AGBL1: variants seen among roughly 807,000 people sequenced by gnomAD.
AGBL1 encodes cytosolic carboxypeptidase 4.
AGBL1 carries 130 observed loss-of-function variants against 118.9 expected under a neutral mutation model. The observed-to-expected ratio is 1.09, with a 90% confidence interval of 0.95 to 1.26. The LOEUF is 1.26. AGBL1 is among the 50% of genes most tolerant of loss of function. AGBL1 has a pLI of 0.00. For synonymous variants in AGBL1, 555 were observed against 478.9 expected, an observed-to-expected ratio of 1.16 and a Z score of -2.08; for missense variants, 1,584 against 1,298.1, an observed-to-expected ratio of 1.22 and a Z score of -3.38.
At chr15:86,839,716 T>A (rs1169536832) in intron 22 of AGBL1, among the ~76,000 whole-genome samples, 2 of 152,108 alleles carry the variant, frequency 1.3e-5, no homozygotes, top group Non-Finnish European at 2.9e-5. Context: ...CAAAATTGCC[T>A]CCTGTCAAGG....
At chr15:86,614,513 C>G (rs2084696764) in intron 21 of AGBL1, among the ~76,000 whole-genome samples, 1 of 151,818 alleles carries the variant, frequency 6.6e-6, no homozygotes, top group Non-Finnish European at 1.5e-5. Context: ...ATGGTGGTAC[C>G]CTGATGGAAT....
intron 5 of AGBL1, among the ~76,000 whole-genome samples, chr15:86,207,930 G>A (rs1281684502): frequency 6.6e-6 from 1 of 152,124 alleles, no homozygotes; most frequent in Non-Finnish European, 1.5e-5. Flanking sequence ...TGCCCATTCA[G>A]TATGATATTG....
At chr15:86,851,587 C>T (rs2079407643) in intron 22 of AGBL1, among the ~76,000 whole-genome samples, 1 of 152,278 alleles carries the variant, frequency 6.6e-6, no homozygotes, top group South Asian at 2.1e-4. Flanking sequence ...CCAATAAAAT[C>T]TGCAAAGATT....
chr15:86,957,805 T>C (rs1480522385), intron 23 of AGBL1, among the ~76,000 whole-genome samples: 1 of 152,154 alleles, frequency 6.6e-6, no homozygotes, highest in Non-Finnish European at 1.5e-5. Flanking sequence ...GTTAATTCAA[T>C]TAAAATGTTG....
chr15:86,754,695 T>C (rs895762129), intron 22 of AGBL1, among the ~76,000 whole-genome samples: 2 of 152,094 alleles, frequency 1.3e-5, no homozygotes, highest in East Asian at 1.9e-4. Flanking sequence ...CGGTGTTCAA[T>C]TGTGGCTGTG....
chr15:86,901,632 A>G (rs559348944), intron 22 of AGBL1, among the ~76,000 whole-genome samples: 1 of 152,224 alleles, frequency 6.6e-6, no homozygotes, highest in African/African-American at 2.4e-5. Flanking sequence ...TTTGAACCCA[A>G]TTCCATGTTT....
intron 22 of AGBL1, among the ~76,000 whole-genome samples, chr15:86,701,732 C>T (rs1015384720): frequency 4.1e-5 from 6 of 145,678 alleles, no homozygotes; most frequent in Admixed American, 2.7e-4. Flanking sequence ...CTTCCCTCCA[C>T]TCCTCTCTCC....
At chr15:86,209,567 A>G (rs772878742) in intron 5 of AGBL1, among the ~76,000 whole-genome samples, 1 of 152,070 alleles carries the variant, frequency 6.6e-6, no homozygotes, top group Non-Finnish European at 1.5e-5. Flanking sequence ...CCATTATGCA[A>G]TGGCCTTCTT....
chr15:86,303,089 G>A (rs111439280), intron 17 of AGBL1, among the ~76,000 whole-genome samples: 6 of 152,282 alleles, frequency 3.9e-5, no homozygotes, highest in South Asian at 2.1e-4. Context: ...AAGCATTTAC[G>A]TCTTAGACTT....
intron 22 of AGBL1, among the ~76,000 whole-genome samples, chr15:86,906,196 T>C (rs1355942203): frequency 6.6e-6 from 1 of 152,216 alleles, no homozygotes; most frequent in East Asian, 1.9e-4. Context: ...CTAATCCTAA[T>C]TGGTTAAGTC....
intron 5 of AGBL1, among the ~76,000 whole-genome samples, chr15:86,211,559 C>T (rs952302932): frequency 2.6e-5 from 4 of 152,210 alleles, no homozygotes; most frequent in African/African-American, 9.6e-5. Flanking sequence ...AATGCCCCTC[C>T]TCCTGCAAGG....
At chr15:86,661,528 T>A (rs1387623499) in intron 21 of AGBL1, among the ~76,000 whole-genome samples, 2 of 151,816 alleles carry the variant, frequency 1.3e-5, no homozygotes, top group Non-Finnish European at 2.9e-5. Context: ...TGGGTTAACA[T>A]CATTATCTGC....
chr15:86,646,270 C>T (rs370652797), intron 21 of AGBL1, among the ~76,000 whole-genome samples: 5 of 152,228 alleles, frequency 3.3e-5, no homozygotes, highest in African/African-American at 7.2e-5. Flanking sequence ...CTGATTTGCA[C>T]GGCGGCAGTA....
At chr15:86,175,043 C>T (rs758060179) in intron 5 of AGBL1, among the ~76,000 whole-genome samples, 24 of 152,056 alleles carry the variant, frequency 1.6e-4, no homozygotes, top group Non-Finnish European at 2.8e-4. Context: ...AGAATTCCCT[C>T]CTCTTTAATT....
At chr15:86,486,061 G>A (rs1021912887) in intron 18 of AGBL1, among the ~76,000 whole-genome samples, 5 of 152,070 alleles carry the variant, frequency 3.3e-5, no homozygotes, top group Non-Finnish European at 7.4e-5. Flanking sequence ...CCTTAGTCAC[G>A]ATACTTAACC....
downstream of AGBL1, among the ~76,000 whole-genome samples, chr15:86,919,432 T>C (rs1361082521): frequency 6.6e-6 from 1 of 152,116 alleles, no homozygotes; most frequent in Non-Finnish European, 1.5e-5. Context: ...TCATCTTTAG[T>C]GGCTACAAGA....
intron 17 of AGBL1, among the ~76,000 whole-genome samples, chr15:86,362,378 C>T (rs2080817583): frequency 6.6e-6 from 1 of 152,118 alleles, no homozygotes; most frequent in Admixed American, 6.6e-5. Flanking sequence ...TATATACTTA[C>T]CTTTTACCAG....
intron 22 of AGBL1, among the ~76,000 whole-genome samples, 188 bp downstream of exon 22, chr15:86,674,624 C>T (rs1341303328): frequency 6.6e-6 from 1 of 152,124 alleles, no homozygotes; most frequent in Admixed American, 6.6e-5. Flanking sequence ...TGTTTGTACA[C>T]ATATATGCAA....
chr15:86,546,921 C>T (rs561200844), intron 20 of AGBL1, among the ~76,000 whole-genome samples: 1 of 152,124 alleles, frequency 6.6e-6, no homozygotes, highest in African/African-American at 2.4e-5. Context: ...TCTGCCTCTA[C>T]TGTTATTCTG....
Sources: allele counts gnomAD v4.1 joint callset (sites outside exome capture counted in the v4.1 genomes callset), GRCh38; gene constraint gnomAD v4.1.1; transcripts MANE v1.5; gene names NCBI Gene and HGNC (gene_info 2026-07-23, HGNC 2026-07-21).